Variants in PFDN1 observed in about 807,000 individuals in gnomAD.
The protein encoded by PFDN1 is prefoldin 1.
Under a neutral mutation model 17.3 loss-of-function variants are expected in PFDN1, and 6 were observed. That is an observed-to-expected ratio of 0.35 (90% CI 0.19 to 0.69). The LOEUF (loss-of-function observed/expected upper bound fraction) is 0.69, where lower values mean the gene tolerates loss of function less well. Among genes scored for constraint, PFDN1 ranks in the 30% least tolerant of loss-of-function variants. The pLI is 0.65. For synonymous variants in PFDN1, 58 were observed against 50.1 expected (o/e 1.16, Z -0.67); for missense variants, 113 against 146.2 (o/e 0.77, Z 1.17).
chr5:140,283,038 AAG>A (rs1410178448), intron 2 of PFDN1, among the ~76,000 whole-genome samples: 3 of 152,214 alleles, frequency 2.0e-5, no homozygotes, highest in Non-Finnish European at 2.9e-5. Flanking sequence ...GGTTCTTATC[AAG>A]AGAGTCCGTT....
intron 2 of PFDN1, among the ~76,000 whole-genome samples, chr5:140,287,783 T>C (rs1214983319): frequency 3.3e-5 from 5 of 152,180 alleles, no homozygotes; most frequent in Non-Finnish European, 7.3e-5. Flanking sequence ...GCAAAAGATC[T>C]GACAGACACC....
chr5:140,299,075 T>C (rs149377318), intron 2 of PFDN1, among the ~76,000 whole-genome samples: 57 of 151,632 alleles, frequency 3.8e-4, no homozygotes, highest in African/African-American at 1.3e-3. Context: ...TAAATGACAA[T>C]TGAATTTTTA....
intron 2 of PFDN1, chr5:140,281,898 G>A (rs1042463232): frequency 2.8e-5 from 5 of 176,520 alleles, no homozygotes; most frequent in East Asian, 3.6e-4. Flanking sequence ...GGGGGGTTGC[G>A]GGAGTTGGGC....
Position 140,254,338 on chromosome 5 carries a change from C to CTA in PFDN1, c.286-8283_286-8282dup, listed in dbSNP as rs926410663. 1.6e-4 allele frequency among the ~76,000 whole-genome samples: 25 copies of CTA among 152,284 alleles called. No homozygotes were observed. The highest frequency in any genetic ancestry group is 6.0e-4 in the African/African-American group (25 of 41,542). ...TCACTGAAAGCTGCCTAATAAAAGC[C>CTA]TACATTTCCATCTGTCCATCCTTCC... is the stretch of plus-strand genomic sequence containing the variant. On this transcript the variant is annotated intron_variant, in intron 3 of 3. Coordinates refer to ENST00000261813, the MANE Select transcript of PFDN1 (RefSeq NM_002622.5). The surrounding 1 kb of genome is among the most constrained non-coding windows in gnomAD (Gnocchi z 4.4).
rs1024644298 is a variant in PFDN1 at position 140,288,200 on chromosome 5, C to T, written c.201-6667G>A. ...GTGAATGGATAAACTGTCAGTACAT[C>T]CATACAATAGAATATTATTCGACGA... On this transcript the variant is annotated intron_variant, in intron 2 of 3. Transcript: ENST00000261813. Among the ~76,000 whole-genome samples the T allele has an allele frequency of 2.6e-5, 4 of 152,164 alleles. No homozygotes were observed. The South Asian group carries it at 8.3e-4, about 32-fold the overall frequency.
At chr5:140,302,898 G>C (rs963031972) in intron 1 of PFDN1, 143 bp downstream of exon 1, 49 of 732,114 alleles carry the variant, frequency 6.7e-5, no homozygotes, top group Non-Finnish European at 2.5e-5. Context: ...GACCCAGTGA[G>C]GCCTTAGGAC....
chr5:140,248,154 C>T (rs1481610182), intron 3 of PFDN1, among the ~76,000 whole-genome samples: 2 of 151,068 alleles, frequency 1.3e-5, no homozygotes, highest in African/African-American at 2.4e-5. Context: ...CTGCAACCTC[C>T]GCCTCCCGGG....
intron 3 of PFDN1, among the ~76,000 whole-genome samples, chr5:140,264,771 G>GGAACACCT: frequency 6.6e-6 from 1 of 152,238 alleles, no homozygotes; most frequent in Middle Eastern, 3.4e-3. Context: ...CCTGAGCCCA[G>GGAACACCT]GAGTTCCAGG....
chr5:140,273,993 G>T (rs1391608105), intron 3 of PFDN1: 2 of 459,668 alleles, frequency 4.4e-6, no homozygotes, highest in Non-Finnish European at 5.7e-6. Flanking sequence ...ATGTATCATT[G>T]AAAGTTTACA....
intron 3 of PFDN1, 42 bp from the exon 4 acceptor site, chr5:140,246,099 T>C (rs1221514355): frequency 8.4e-7 from 1 of 1,192,078 alleles, no homozygotes; most frequent in African/African-American, 1.5e-5. Context: ...CCAGAGTGAA[T>C]GGGCCGGGCT....
chr5:140,261,420 CAA>C (rs1765064144), intron 3 of PFDN1, among the ~76,000 whole-genome samples: 4 of 152,256 alleles, frequency 2.6e-5, no homozygotes, highest in South Asian at 2.1e-4. Flanking sequence ...AATGGACAAA[CAA>C]GAGTAAACTT....
chr5:140,284,342 A>G (rs1038472470), intron 2 of PFDN1, among the ~76,000 whole-genome samples: 1 of 152,230 alleles, frequency 6.6e-6, no homozygotes, highest in Admixed American at 6.5e-5. Context: ...GTAAAAATTC[A>G]AACACAAAAA....
intron 2 of PFDN1, among the ~76,000 whole-genome samples, chr5:140,294,824 A>G (rs750782059): frequency 9.2e-5 from 14 of 152,010 alleles, no homozygotes; most frequent in Non-Finnish European, 2.1e-4. Context: ...TTACTTCAAC[A>G]AGTAGAAATA....
intron 3 of PFDN1, among the ~76,000 whole-genome samples, chr5:140,266,357 T>C (rs112630285): frequency 1.1e-4 from 16 of 152,344 alleles, no homozygotes; most frequent in African/African-American, 3.4e-4. Flanking sequence ...CACTGGTTTG[T>C]GACTTGAGAA....
Position 140,303,078 on chromosome 5 carries a change from G to A in PFDN1, c.-5C>T, listed in dbSNP as rs148301200. 4 of 1,611,840 alleles carry A rather than the reference G, an allele frequency of 2.5e-6. No individual in the cohort carries two copies. Among genetic ancestry groups the A allele is most frequent in the African/African-American group, 1.3e-5 (1 of 74,886 alleles). ...TAGATCCACGGGGGCGGCCATCTTGGTGCACTGTAAGCGCCTGCGCAGTGG... is the reference window on the plus strand; with the variant it reads ...TAGATCCACGGGGGCGGCCATCTTGATGCACTGTAAGCGCCTGCGCAGTGG... On this transcript the variant is annotated 5_prime_UTR_variant, in exon 1 of 4. Coordinates refer to ENST00000261813, the MANE Select transcript of PFDN1 (RefSeq NM_002622.5).
At chr5:140,252,095 T>TG (rs1037211997) in intron 3 of PFDN1, among the ~76,000 whole-genome samples, 57 of 152,122 alleles carry the variant, frequency 3.7e-4, no homozygotes, top group African/African-American at 1.3e-3. Context: ...GATGAGGATT[T>TG]GGGCAATACC....
intron 3 of PFDN1, among the ~76,000 whole-genome samples, chr5:140,248,755 C>G (rs1047985176): frequency 1.3e-5 from 2 of 152,230 alleles, no homozygotes; most frequent in Non-Finnish European, 2.9e-5. Flanking sequence ...TGTAAAATCT[C>G]TGCTTTCTAA....
At chr5:140,255,214 C>G (rs1382541144) in intron 3 of PFDN1, among the ~76,000 whole-genome samples, 1 of 151,888 alleles carries the variant, frequency 6.6e-6, no homozygotes, top group Non-Finnish European at 1.5e-5. Context: ...TCTATCTTCC[C>G]TCTACCAAAT....
At chr5:140,298,758 C>T (rs112090906) in intron 2 of PFDN1, among the ~76,000 whole-genome samples, 20 of 145,320 alleles carry the variant, frequency 1.4e-4, no homozygotes, top group African/African-American at 4.5e-4. Context: ...GTATTTTTTA[C>T]TTTTTTTTTT....
Sources: gnomAD v4.1 joint callset for allele counts (sites outside exome capture counted in the v4.1 genomes callset) on GRCh38, gnomAD v4.1.1 for gene constraint, Gnocchi (gnomAD v3.1) non-coding constraint, MANE v1.5 for transcripts, NCBI Gene and HGNC (gene_info 2026-07-23, HGNC 2026-07-21) for gene names.